Variants in PARVB observed in about 807,000 individuals in gnomAD.
PARVB encodes the protein beta-parvin.
In PARVB, 46 loss-of-function variants were observed where a neutral mutation model predicts 47.0. The observed-to-expected ratio is 0.98, with a 90% confidence interval of 0.77 to 1.25. The LOEUF is 1.25. Among genes scored for constraint, PARVB ranks in the 50% most tolerant of loss-of-function variants. The probability of loss-of-function intolerance (pLI) is 0.00; values close to 1 mark genes in which losing one functional copy is unlikely to be tolerated. For synonymous variants in PARVB, 196 were observed against 196.3 expected (o/e 1.00, Z 0.01); for missense variants, 473 against 471.6 (o/e 1.00, Z -0.03).
intron 2 of PARVB, among the ~76,000 whole-genome samples, chr22:44,002,173 T>A (rs1054962954): frequency 6.6e-6 from 1 of 152,206 alleles, no homozygotes; most frequent in African/African-American, 2.4e-5. Context: ...TTTGCATTAT[T>A]ATAAATATAG....
At position 44,102,677 on chromosome 22, in the gene PARVB, C is replaced by CAAAAA. The variant is rs3216456; in HGVS notation, c.273+2563_273+2567dup. ...CAACATGGTGAAACCCTGTCTCTACCAAAAAAAAAAAAATTAACTGGGTGT... is the reference window on the plus strand; with the variant it reads ...CAACATGGTGAAACCCTGTCTCTACCAAAAAAAAAAAAAAAAAATTAACTGGGTGT... On this transcript the variant is annotated intron_variant, in intron 3 of 12. Coordinates refer to ENST00000338758, the MANE Select transcript of PARVB (RefSeq NM_013327.5). The CAAAAA allele has an allele frequency of 6.4e-5, 9 of 140,814 alleles. 1 individual carries two copies. The highest frequency in any genetic ancestry group is 2.3e-4 in the African/African-American group (9 of 38,496). 8.7% of individuals were successfully genotyped at this position (140,814 alleles called of 1,614,324 possible). A position where few individuals can be genotyped will look rare whatever the true frequency, so the allele number is the denominator to read the frequency against.
intron 1 of PARVB, among the ~76,000 whole-genome samples, chr22:44,059,981 A>C (rs2051389602): frequency 6.6e-6 from 1 of 152,006 alleles, no homozygotes; most frequent in Non-Finnish European, 1.5e-5. Flanking sequence ...GGAAGGCGGA[A>C]AGGGCACTCT....
At chr22:44,086,922 C>G in intron 1 of PARVB, 2 of 775,954 alleles carry the variant, frequency 2.6e-6, no homozygotes, top group Non-Finnish European at 3.1e-6. Context: ...TGCTTAAGCC[C>G]AAGCGAAGGA....
At chr22:44,036,997 T>C (rs2050934143) in intron 1 of PARVB, among the ~76,000 whole-genome samples, 1 of 149,914 alleles carries the variant, frequency 6.7e-6, no homozygotes, top group African/African-American at 2.5e-5. Context: ...ATAATAATCA[T>C]AATAAAGATA....
chr22:44,072,602 A>AGCTAATT (rs2051679391), intron 1 of PARVB, among the ~76,000 whole-genome samples: 2 of 152,078 alleles, frequency 1.3e-5, no homozygotes, highest in African/African-American at 4.8e-5. Flanking sequence ...CATCATGCCT[A>AGCTAATT]GCTAATTTTT....
At chr22:44,035,368 CTTTTT>C (rs57745730) in intron 1 of PARVB, among the ~76,000 whole-genome samples, 1 of 118,034 alleles carries the variant, frequency 8.5e-6, no homozygotes. Context: ...TTTCTTTTTC[CTTTTT>C]TTTTTTTTTT....
chr22:44,101,654 G>A (rs1456401801), intron 3 of PARVB, among the ~76,000 whole-genome samples: 3 of 151,354 alleles, frequency 2.0e-5, no homozygotes, highest in African/African-American at 4.9e-5. Flanking sequence ...GGGAGGCTGA[G>A]GCAGAATTGC....
intron 1 of PARVB, among the ~76,000 whole-genome samples, chr22:44,070,794 A>G (rs781029365): frequency 6.6e-6 from 1 of 152,226 alleles, no homozygotes; most frequent in Non-Finnish European, 1.5e-5. Context: ...GGAGGAGGGT[A>G]GACCCTGCCC....
intron 1 of PARVB, among the ~76,000 whole-genome samples, chr22:44,076,708 G>C (rs1400346306): frequency 6.6e-6 from 1 of 152,126 alleles, no homozygotes; most frequent in East Asian, 1.9e-4. Flanking sequence ...CCCACCGTGA[G>C]ATAGATAAGC....
chr22:44,077,572 C>G (rs1016453208), intron 1 of PARVB, among the ~76,000 whole-genome samples: 1 of 152,176 alleles, frequency 6.6e-6, no homozygotes, highest in South Asian at 2.1e-4. Context: ...CCAGACAACA[C>G]CGATAAGGGT....
chr22:44,011,261 C>T lies in PARVB; in HGVS notation c.211+11588C>T, dbSNP rs376139788. Reference sequence around the variant, plus strand: ...AGCCCTGGGATGAAGGTGGGAGCTGCACGCACCTGGCCTGCTTACACATCA... The same window carrying T: ...AGCCCTGGGATGAAGGTGGGAGCTGTACGCACCTGGCCTGCTTACACATCA... On this transcript the variant is annotated intron_variant, in intron 2 of 13. Coordinates refer to the PARVB transcript ENST00000406477. Among the ~76,000 whole-genome samples the T allele has an allele frequency of 2.6e-5, 4 of 152,246 alleles. No homozygotes were observed. The East Asian group carries it at 7.8e-4, about 30-fold the overall frequency.
intron 3 of PARVB, chr22:44,107,680 T>G (rs1433334003): frequency 6.6e-6 from 1 of 152,064 alleles, no homozygotes; most frequent in Non-Finnish European, 1.5e-5. Context: ...CAATAGCCAA[T>G]GATGTAATCA....
At chr22:44,159,334 CA>C (rs911557157) in intron 11 of PARVB, among the ~76,000 whole-genome samples, 6 of 152,146 alleles carry the variant, frequency 3.9e-5, no homozygotes, top group African/African-American at 1.2e-4. Context: ...GGTTTCTTTC[CA>C]AGACAAGGCT....
At chr22:44,082,728 C>T (rs1300240373) in intron 1 of PARVB, among the ~76,000 whole-genome samples, 1 of 152,162 alleles carries the variant, frequency 6.6e-6, no homozygotes, top group Non-Finnish European at 1.5e-5. Flanking sequence ...GTCTTTCTTC[C>T]TGTTCTCCTT....
intron 1 of PARVB, among the ~76,000 whole-genome samples, chr22:44,087,177 T>C (rs1426968405): frequency 6.6e-6 from 1 of 152,180 alleles, no homozygotes; most frequent in East Asian, 1.9e-4. Flanking sequence ...AATGGCTGTT[T>C]TTGTTGGGGT....
At chr22:44,006,248 G>C (rs1395433887) in intron 2 of PARVB, among the ~76,000 whole-genome samples, 1 of 152,052 alleles carries the variant, frequency 6.6e-6, no homozygotes, top group African/African-American at 2.4e-5. Context: ...ACCACACCAG[G>C]CCCATGGAAT....
chr22:44,084,314 A>C (rs1402579500), intron 1 of PARVB, among the ~76,000 whole-genome samples: 1 of 152,230 alleles, frequency 6.6e-6, no homozygotes, highest in Admixed American at 6.5e-5. Flanking sequence ...AGGCCCGAGC[A>C]TGGTGGCAGG....
intron 3 of PARVB, chr22:44,107,048 A>C (rs1453489224): frequency 6.6e-6 from 1 of 152,258 alleles, no homozygotes; most frequent in East Asian, 1.9e-4. Context: ...ACACTTGATC[A>C]CCCGTTAGCA....
At chr22:44,115,467 C>G (rs1248868682) in intron 3 of PARVB, 2 of 108,130 alleles carry the variant, frequency 1.8e-5, no homozygotes, top group African/African-American at 7.4e-5. Flanking sequence ...AGGCCCTGCA[C>G]CAACACAGAT....
Sources: gnomAD v4.1 joint callset for allele counts (sites outside exome capture counted in the v4.1 genomes callset) on GRCh38, gnomAD v4.1.1 for gene constraint, MANE v1.5 for transcripts, NCBI Gene and HGNC (gene_info 2026-07-23, HGNC 2026-07-21) for gene names.